Variants in STK39 observed in about 807,000 individuals in gnomAD.
The protein encoded by STK39 is STE20/SPS1-related proline-alanine-rich protein kinase.
Under a neutral mutation model 77.8 loss-of-function variants are expected in STK39, and 20 were observed. The ratio of observed to expected loss-of-function variants is 0.26; its 90% CI spans 0.18 to 0.37. STK39 has a LOEUF of 0.37. Ranked by LOEUF, STK39 falls within the 10% of genes least tolerant of loss-of-function variation. The pLI is 1.00. For missense variants in STK39, 479 were observed against 656.5 expected, an observed-to-expected ratio of 0.73 and a Z score of 2.95; for synonymous variants, 246 against 234.1, an observed-to-expected ratio of 1.05 and a Z score of -0.47.
chr2:167,961,154 G>C lies in STK39; in HGVS notation c.1563+3508C>G, dbSNP rs193145402. On this transcript the variant is annotated intron_variant, in intron 17 of 17. Transcript: ENST00000355999. ...TTCAGTAGGAGGAGAAAGTTAAAAC[G>C]CTTAGGTAGTTTTTACCCAGTTTCA... Among the ~76,000 whole-genome samples, 31 of 152,234 alleles carry C rather than the reference G, an allele frequency of 2.0e-4. No homozygotes were observed. The East Asian group carries it at 5.2e-3, about 26-fold the overall frequency.
At chr2:168,063,294 T>C (rs1334397937) in intron 14 of STK39, among the ~76,000 whole-genome samples, 1 of 152,200 alleles carries the variant, frequency 6.6e-6, no homozygotes, top group African/African-American at 2.4e-5. Context: ...GACACACTCA[T>C]ATGGTGCTTT....
chr2:167,977,183 T>A (rs1466732291), intron 16 of STK39, among the ~76,000 whole-genome samples: 1 of 152,232 alleles, frequency 6.6e-6, no homozygotes, highest in East Asian at 1.9e-4. Context: ...ATACTGGATC[T>A]GTCCTTTAAA....
At chr2:168,061,785 C>T (rs1183905264) in intron 14 of STK39, among the ~76,000 whole-genome samples, 1 of 152,142 alleles carries the variant, frequency 6.6e-6, no homozygotes, top group Admixed American at 6.5e-5. Context: ...ATACAAATGG[C>T]TCTCAGAAAA....
intron 16 of STK39, among the ~76,000 whole-genome samples, chr2:168,002,545 A>G (rs1273738261): frequency 3.9e-5 from 6 of 152,200 alleles, no homozygotes; most frequent in African/African-American, 9.7e-5. Context: ...ATGAATGGAC[A>G]TCACAGCTTA....
intron 5 of STK39, among the ~76,000 whole-genome samples, chr2:168,142,324 A>AC (rs1214840049): frequency 1.3e-5 from 2 of 152,166 alleles, no homozygotes; most frequent in Non-Finnish European, 2.9e-5. Flanking sequence ...ACTAATTTCA[A>AC]CTTAATTTAT....
At chr2:168,094,840 C>T (rs1004933990) in intron 10 of STK39, among the ~76,000 whole-genome samples, 2 of 152,142 alleles carry the variant, frequency 1.3e-5, no homozygotes, top group Non-Finnish European at 2.9e-5. Context: ...AACTCAAATG[C>T]GTCCTAATGA....
intron 1 of STK39, among the ~76,000 whole-genome samples, chr2:168,201,696 T>C (rs1304752018): frequency 6.6e-6 from 1 of 152,210 alleles, no homozygotes; most frequent in East Asian, 1.9e-4. Flanking sequence ...ATCCTGTCCA[T>C]GTTTCACTTC....
intron 16 of STK39, among the ~76,000 whole-genome samples, chr2:168,008,211 G>C (rs1443563234): frequency 1.3e-5 from 2 of 152,220 alleles, no homozygotes; most frequent in Non-Finnish European, 2.9e-5. Flanking sequence ...CTGAAGGGAG[G>C]CAAGTACAGA....
chr2:168,052,922 G>A (rs535826891), intron 14 of STK39, among the ~76,000 whole-genome samples: 11 of 152,204 alleles, frequency 7.2e-5, no homozygotes, highest in East Asian at 1.9e-4. Context: ...AACACAGAGC[G>A]AGGAAGCGGT....
In STK39 at chr2:168,161,703, C is replaced by T; in HGVS notation, c.628+84G>A. ...TGAAAAGAGATTACATGCATTTATT[C>T]ATTTCTCAGGAATGATTCTACATTC... On this transcript the variant is annotated intron_variant, in intron 5 of 17. Coordinates refer to ENST00000355999, the MANE Select transcript of STK39 (RefSeq NM_013233.3). 5.3e-6 allele frequency: 5 copies of T among 951,956 alleles called. No homozygotes were observed. The South Asian group carries it at 6.6e-5, about 12-fold the overall frequency. The allele number at this position is 951,956 out of a possible 1,614,324, so 59.0% of individuals were successfully genotyped here.
intron 12 of STK39, among the ~76,000 whole-genome samples, chr2:168,072,303 G>C (rs1359430577): frequency 6.6e-6 from 1 of 152,164 alleles, no homozygotes; most frequent in African/African-American, 2.4e-5. Context: ...AGTTACAGGG[G>C]TGAAAAGGGG....
intron 14 of STK39, among the ~76,000 whole-genome samples, chr2:168,020,725 C>A (rs1684549638): frequency 6.6e-6 from 1 of 151,398 alleles, no homozygotes; most frequent in Admixed American, 6.6e-5. Flanking sequence ...TTGAGATATG[C>A]AAAGAGGTAT....
intron 1 of STK39, among the ~76,000 whole-genome samples, chr2:168,208,646 T>C (rs1323689455): frequency 6.6e-6 from 1 of 152,246 alleles, no homozygotes; most frequent in East Asian, 1.9e-4. Context: ...TAGACATTAC[T>C]AGGGCTTACA....
intron 1 of STK39, among the ~76,000 whole-genome samples, chr2:168,190,455 A>AT (rs1392034719): frequency 6.6e-6 from 1 of 152,228 alleles, no homozygotes; most frequent in African/African-American, 2.4e-5. Flanking sequence ...ATCCAGTTCA[A>AT]TTCTAAAGTC....
intron 14 of STK39, among the ~76,000 whole-genome samples, chr2:168,054,379 A>T (rs1302310407): frequency 6.6e-6 from 1 of 152,254 alleles, no homozygotes; most frequent in African/African-American, 2.4e-5. Context: ...TTCTGGTAAC[A>T]ATAGGATGGA....
At chr2:168,005,305 C>A (rs1010425818) in intron 16 of STK39, among the ~76,000 whole-genome samples, 2 of 151,814 alleles carry the variant, frequency 1.3e-5, no homozygotes, top group African/African-American at 4.8e-5. Context: ...CATTCCTGGC[C>A]AGAAGGCTGT....
intron 10 of STK39, 115 bp downstream of exon 10, chr2:168,129,426 T>C: frequency 4.5e-6 from 5 of 1,122,016 alleles, no homozygotes; most frequent in Non-Finnish European, 6.5e-6. Context: ...ACTAATGAGA[T>C]ATAGCGTCTG....
At position 168,022,173 on chromosome 2, in the gene STK39, G is replaced by C. The variant is rs1027685916; in HGVS notation, c.1377-5078C>G. Among the ~76,000 whole-genome samples the C allele has an allele frequency of 2.6e-5, 4 of 152,120 alleles. No individual in the cohort carries two copies. In the South Asian group the frequency reaches 8.3e-4, roughly 32 times the overall value. ...TTCACCAGTTCCCATTCTATGAACA[G>C]ACTGTTTCCAATCTTTCACTATTGT... On this transcript the variant is annotated intron_variant, in intron 14 of 17. Coordinates refer to ENST00000355999, the MANE Select transcript of STK39 (RefSeq NM_013233.3).
chr2:168,009,180 G>A (rs1684206844), intron 16 of STK39, among the ~76,000 whole-genome samples: 4 of 152,172 alleles, frequency 2.6e-5, no homozygotes, highest in Admixed American at 2.6e-4. Flanking sequence ...GCTGTAATGG[G>A]AGGTGGGGTA....
Sources: gnomAD v4.1 joint callset for allele counts (sites outside exome capture counted in the v4.1 genomes callset) on GRCh38, gnomAD v4.1.1 for gene constraint, MANE v1.5 for transcripts, NCBI Gene and HGNC (gene_info 2026-07-23, HGNC 2026-07-21) for gene names.